CHADL: variants seen among roughly 807,000 people sequenced by gnomAD.
CHADL encodes the protein chondroadherin-like protein.
In CHADL, 48 loss-of-function variants were observed where a neutral mutation model predicts 52.1. The observed-to-expected ratio is 0.92, with a 90% confidence interval of 0.73 to 1.17. The LOEUF (loss-of-function observed/expected upper bound fraction) is 1.17, where lower values mean the gene tolerates loss of function less well. Ranked by LOEUF, CHADL falls within the 50% of genes most tolerant of loss-of-function variation. The pLI, the probability that CHADL is intolerant of heterozygous loss-of-function variation, is 0.00. For synonymous variants in CHADL, 498 were observed against 511.2 expected (o/e 0.97, Z 0.35); for missense variants, 977 against 1,035.1 (o/e 0.94, Z 0.77).
rs552116885 is a variant in CHADL at position 41,230,185 on chromosome 22, C to T, written c.2263-455G>A. ...AAGAGCATCTAGACGTGGCCTCGCC[C>T]GACAAGGCTTCAAGTCCAGAGCTGC... On this transcript the variant is annotated intron_variant, in intron 5 of 5. Coordinates refer to ENST00000216241, the MANE Select transcript of CHADL (RefSeq NM_138481.2). The T allele has an allele frequency of 3.7e-5, 59 of 1,613,568 alleles. No homozygotes were observed. In the South Asian group the frequency reaches 5.4e-4, roughly 15 times the overall value.
rs186526354 is a variant in CHADL at position 41,238,766 on chromosome 22, G to C, written c.306C>G (p.Ala102=). The change falls in exon 3 of 6, where the codon GCC becomes GCG. Residue 102 remains alanine (A), a synonymous_variant. Transcript: ENST00000216241. The surrounding 1 kb of genome is among the most constrained non-coding windows in gnomAD (Gnocchi z 4.9). ...GGCCCAGGCCACGGAAGGCGCCCTC[G>C]GCCACCAGCTCCACCTCGCAGTGGC... ...DLRHCEVELV[A]EGAFRGLGRL... 436 of 1,549,398 alleles carry C rather than the reference G, an allele frequency of 2.8e-4. 5 individuals carry two copies. The Admixed American group carries it at 5.7e-3, about 20-fold the overall frequency.
chr22:41,238,282 C>G lies in CHADL; in HGVS notation c.790G>C (p.Gly264Arg). ...CTGGGACCCAGGGCCTGCAGGGCCC[C>G]GCCGTCCAGCAGCAGCTCCCGCAGG... ...PGLRELLLDG[G>R]ALQALGPRAF... is the part of the protein sequence containing the mutation. Residue 264 changes from glycine to arginine, a missense_variant, in exon 3 of 6, where the codon GGG (glycine) becomes CGG (arginine). Physicochemically the swap from Gly to Arg is moderately radical, Grantham distance 125. Coordinates refer to ENST00000216241, the MANE Select transcript of CHADL (RefSeq NM_138481.2). The surrounding 1 kb of genome is among the most constrained non-coding windows in gnomAD (Gnocchi z 4.9). 6.5e-7 allele frequency: 1 copy of G among 1,529,716 alleles called. No individual in the cohort carries two copies. Among genetic ancestry groups the G allele is most frequent in the Non-Finnish European group, 8.7e-7 (1 of 1,144,436 alleles). The allele number at this position is 1,529,716 out of a possible 1,614,324, so 94.8% of individuals were successfully genotyped here.
Position 41,230,391 on chromosome 22 carries a change from G to A in CHADL, c.2263-661C>T, listed in dbSNP as rs918291848. 48 of 670,872 alleles carry A rather than the reference G, an allele frequency of 7.2e-5. 1 individual carries two copies. In the Admixed American group the frequency reaches 8.5e-4, roughly 12 times the overall value. 41.6% of individuals were successfully genotyped at this position (670,872 alleles called of 1,614,324 possible). The stretch of plus-strand genomic sequence containing the variant: ...CTGCCCGGTGCTGTGAAGGCTGGAC[G>A]GTGGAGGACCTGCTGGGGTCTCCTG... On this transcript the variant is annotated intron_variant, in intron 5 of 5. Transcript: ENST00000216241.
chr22:41,238,578 A>T lies in CHADL; in HGVS notation c.494T>A (p.Leu165Gln). Residue 165 changes from leucine (L) to glutamine (Q), a missense_variant, in exon 3 of 6, where the codon CTG (leucine) becomes CAG (glutamine). By Grantham distance (113) the Leu-to-Gln change is moderately radical (BLOSUM62 -2). Transcript: ENST00000216241. This position sits in a 1 kb window ranked among gnomAD's most constrained non-coding sequence, Gnocchi z 4.9. ...GALGALATLN[L>Q]AHNALVYLPA... ...CAGGTAAACCAGGGCGTTGTGGGCC[A>T]GGTTTAGCGTGGCCAGCGCACCCAG... The T allele has an allele frequency of 1.9e-6, 3 of 1,546,144 alleles. No homozygotes were observed. The highest frequency in any genetic ancestry group is 2.6e-6 in the Non-Finnish European group (3 of 1,146,448).
chr22:41,237,922 G>T lies in CHADL; in HGVS notation c.1150C>A (p.Pro384Thr), dbSNP rs918748668. 2 of 1,286,102 alleles carry T rather than the reference G, an allele frequency of 1.6e-6. No homozygotes were observed. The highest frequency in any genetic ancestry group is 1.6e-5 in the African/African-American group (1 of 64,250). The allele number at this position is 1,286,102 out of a possible 1,614,324, so 79.7% of individuals were successfully genotyped here. A position where few individuals can be genotyped will look rare whatever the true frequency, so the allele number is the denominator to read the frequency against. The change falls in exon 3 of 6, where the codon CCG becomes ACG. Residue 384 changes from proline (P) to threonine (T), a missense_variant. Physicochemically the swap from Pro to Thr is conservative, Grantham distance 38. Transcript: ENST00000216241. ...AGPRAPPRGPPRGPGEERAVA... is the reference protein window; with the variant it reads ...AGPRAPPRGPTRGPGEERAVA... The stretch of plus-strand genomic sequence containing the variant: ...GCCCGCTCCTCCCCGGGGCCGCGCG[G>T]AGGGCCGCGCGGAGGGGCGCGGGGC...
Position 41,238,532 on chromosome 22 carries a change from C to T in CHADL, c.540G>A (p.Gly180=), listed in dbSNP as rs546605248. 1 of 1,545,006 alleles carries T rather than the reference C, an allele frequency of 6.5e-7. No individual in the cohort carries two copies. Among genetic ancestry groups the T allele is most frequent in the South Asian group, 1.2e-5 (1 of 83,980 alleles). Residue 180 remains glycine (G), a synonymous_variant, in exon 3 of 6, where the codon GGG becomes GGA. Coordinates refer to ENST00000216241, the MANE Select transcript of CHADL (RefSeq NM_138481.2). This position sits in a 1 kb window ranked among gnomAD's most constrained non-coding sequence, Gnocchi z 4.9. The part of the protein sequence containing the change: ...LVYLPAMAFQ[G]LLRVRWLRLS... ...GCCGCAGCCAGCGGACGCGCAGTAG[C>T]CCCTGGAAGGCCATGGCGGGCAGGT...
At chr22:41,233,588 G>A (rs141419669) in intron 5 of CHADL, among the ~76,000 whole-genome samples, 19 of 152,300 alleles carry the variant, frequency 1.2e-4, no homozygotes, top group African/African-American at 4.6e-4. Context: ...GGGAGCACCT[G>A]GGGCCACCAG....
chr22:41,238,496 G>T lies in CHADL; in HGVS notation c.576C>A (p.Asn192Lys). 6.5e-7 allele frequency: 1 copy of T among 1,539,264 alleles called. No individual in the cohort carries two copies. The highest frequency in any genetic ancestry group is 2.5e-5 in the East Asian group (1 of 40,750). The change falls in exon 3 of 6, where the codon AAC becomes AAA. Residue 192 changes from asparagine (N) to lysine (K), a missense_variant. By Grantham distance (94) the Asn-to-Lys change is moderately conservative (BLOSUM62 0). Transcript: ENST00000216241. This position sits in a 1 kb window ranked among gnomAD's most constrained non-coding sequence, Gnocchi z 4.9. ...CCTCGGGGGCCAGCACGCTGAGCGCGTTGTGCGACAGCCGCAGCCAGCGGA... is the reference window on the plus strand; with the variant it reads ...CCTCGGGGGCCAGCACGCTGAGCGCTTTGTGCGACAGCCGCAGCCAGCGGA... ...LRVRWLRLSH[N>K]ALSVLAPEAL...
chr22:41,237,947 C>A lies in CHADL; in HGVS notation c.1125G>T (p.Gly375=), dbSNP rs1446872632. The A allele has an allele frequency of 6.3e-6, 8 of 1,265,724 alleles. No individual in the cohort carries two copies. Among genetic ancestry groups the A allele is most frequent in the African/African-American group, 4.7e-5 (3 of 63,742 alleles). The allele number at this position is 1,265,724 out of a possible 1,614,324, so 78.4% of individuals were successfully genotyped here. The change falls in exon 3 of 6, where the codon GGG becomes GGT. Residue 375 remains glycine, a synonymous_variant. Transcript: ENST00000216241. The stretch of plus-strand genomic sequence containing the variant: ...GAGGGCCGCGCGGAGGGGCGCGGGG[C>A]CCGGCCACAGCCCGCTCTTCCAGCT... ...EEELEERAVA[G]PRAPPRGPPR...
At chr22:41,232,922 T>C (rs1234258169) in intron 5 of CHADL, among the ~76,000 whole-genome samples, 1 of 151,984 alleles carries the variant, frequency 6.6e-6, no homozygotes, top group African/African-American at 2.4e-5. Flanking sequence ...TAGTTCCGGG[T>C]CTGGCTTCCA....
rs1187513442 is a variant in CHADL at position 41,237,450 on chromosome 22, A to G, written c.1622T>C (p.Leu541Pro). ...NAVDRLAPGD[L>P]GRTRALRWVY... Reference sequence around the variant, plus strand: ...CCAGCGCAAGGCCCGTGTTCTCCCCAGGTCCCCAGGTGCCAGGCGGTCCAC... The same window carrying G: ...CCAGCGCAAGGCCCGTGTTCTCCCCGGGTCCCCAGGTGCCAGGCGGTCCAC... The change falls in exon 3 of 6, where the codon CTG becomes CCG. Residue 541 changes from leucine (L) to proline (P), a missense_variant. Leu to Pro is a moderately conservative substitution (Grantham distance 98, BLOSUM62 -3). Transcript: ENST00000216241. The G allele has an allele frequency of 6.4e-7, 1 of 1,550,476 alleles. No homozygotes were observed. Among genetic ancestry groups the G allele is most frequent in the Non-Finnish European group, 8.7e-7 (1 of 1,146,946 alleles).
chr22:41,235,006 A>G, intron 5 of CHADL, 139 bp downstream of exon 5: 2 of 862,598 alleles, frequency 2.3e-6, no homozygotes, highest in Non-Finnish European at 3.6e-6. Flanking sequence ...GACATTATTG[A>G]ACTGACGCAA....
chr22:41,237,529 C>T lies in CHADL; in HGVS notation c.1543G>A (p.Ala515Thr), dbSNP rs1020137323. The change falls in exon 3 of 6, where the codon GCT becomes ACT. Residue 515 changes from alanine (A) to threonine (T), a missense_variant. Ala to Thr is a moderately conservative substitution (Grantham distance 58). Coordinates refer to ENST00000216241, the MANE Select transcript of CHADL (RefSeq NM_138481.2). ...AGGCTGGGCAGGGCGCGCAGGGCAGCCCCTGGCACCTGCAGGAAACGGTTG... is the reference window on the plus strand; with the variant it reads ...AGGCTGGGCAGGGCGCGCAGGGCAGTCCCTGGCACCTGCAGGAAACGGTTG... Reference protein sequence around the residue: ...ERNRFLQVPGAALRALPSLFS... With the variant: ...ERNRFLQVPGTALRALPSLFS... 17 of 1,550,394 alleles carry T rather than the reference C, an allele frequency of 1.1e-5. No individual in the cohort carries two copies. The highest frequency in any genetic ancestry group is 1.4e-5 in the Non-Finnish European group (16 of 1,146,944).
At position 41,235,368 on chromosome 22, in the gene CHADL, G is replaced by A. The variant is rs1258016022; in HGVS notation, c.2064-25C>T. On this transcript the variant is annotated intron_variant, in intron 4 of 5. Transcript: ENST00000216241. ...CCTGAAGAGAAAAGAGAGCTGGGGA[G>A]CTAGCTGTGCTGATTCTGCTCCAGT... 3.9e-6 allele frequency: 6 copies of A among 1,540,668 alleles called. No individual in the cohort carries two copies. The Admixed American group carries it at 9.8e-5, about 25-fold the overall frequency.
Position 41,236,503 on chromosome 22 carries a change from G to A in CHADL, c.2044C>T (p.Gln682Ter), listed in dbSNP as rs959021411. ...LSSNPFHCDC[Q>*]LLPLHRWLTG... is the part of the protein sequence containing the mutation. Reference sequence around the variant, plus strand: ...GCCCACCTGTGCAGCGGAAGCAGCTGGCAGTCACAGTGGAAGGGATTGCTG... The same window carrying A: ...GCCCACCTGTGCAGCGGAAGCAGCTAGCAGTCACAGTGGAAGGGATTGCTG... Residue 682 changes from glutamine to a stop codon, truncating the protein, a stop_gained, in exon 4 of 6, where the codon CAG becomes TAG. Coordinates refer to ENST00000216241, the MANE Select transcript of CHADL (RefSeq NM_138481.2). LOFTEE classifies it high-confidence loss of function. 5 of 1,551,164 alleles carry A rather than the reference G, an allele frequency of 3.2e-6. No homozygotes were observed. Among genetic ancestry groups the A allele is most frequent in the African/African-American group, 1.4e-5 (1 of 73,042 alleles).
intron 4 of CHADL, among the ~76,000 whole-genome samples, chr22:41,235,934 C>T (rs147256461): frequency 9.8e-4 from 149 of 152,124 alleles, no homozygotes; most frequent in African/African-American, 3.4e-3. Flanking sequence ...TGAAGTGGCG[C>T]GATCTCAGCT....
chr22:41,238,313 C>T lies in CHADL; in HGVS notation c.759G>A (p.Leu253=). ...CCAGCAGCAGCTCCCGCAGGCCGGG[C>T]AGCGCCAGCCCGTCCTCCTCGCCCG... ...TYAGEEDGLA[L]PGLRELLLDG... The change falls in exon 3 of 6, where the codon CTG becomes CTA. Residue 253 remains leucine (L), a synonymous_variant. Coordinates refer to ENST00000216241, the MANE Select transcript of CHADL (RefSeq NM_138481.2). This position sits in a 1 kb window ranked among gnomAD's most constrained non-coding sequence, Gnocchi z 4.9. The T allele has an allele frequency of 6.6e-7, 1 of 1,525,304 alleles. No homozygotes were observed. The highest frequency in any genetic ancestry group is 1.2e-5 in the South Asian group (1 of 83,380). 94.5% of individuals were successfully genotyped at this position (1,525,304 alleles called of 1,614,324 possible). A position where few individuals can be genotyped will look rare whatever the true frequency, so the allele number is the denominator to read the frequency against.
intron 5 of CHADL, among the ~76,000 whole-genome samples, chr22:41,232,677 C>G (rs781324412): frequency 6.6e-6 from 1 of 152,114 alleles, no homozygotes; most frequent in African/African-American, 2.4e-5. Context: ...GTCAAATGGC[C>G]TGAGACGTCC....
At chr22:41,230,076 T>TCCACCCCC in intron 5 of CHADL, 1 of 912,386 alleles carries the variant, frequency 1.1e-6, no homozygotes, top group South Asian at 1.6e-5. Flanking sequence ...TCCCAGCTCC[T>TCCACCCCC]CCGCCCCCAC....
Sources: gnomAD v4.1 joint callset for allele counts (sites outside exome capture counted in the v4.1 genomes callset) on GRCh38, gnomAD v4.1.1 for gene constraint, Gnocchi (gnomAD v3.1) non-coding constraint, MANE v1.5 for transcripts, NCBI Gene and HGNC (gene_info 2026-07-23, HGNC 2026-07-21) for gene names.